CLVS1: variants seen among roughly 807,000 people sequenced by gnomAD.
CLVS1 encodes the protein clavesin 1.
A neutral mutation model predicts 33.1 loss-of-function variants in CLVS1; 10 were observed. The ratio of observed to expected loss-of-function variants is 0.30; its 90% confidence interval spans 0.19 to 0.51. The LOEUF (loss-of-function observed/expected upper bound fraction) is 0.51. Among genes scored for constraint, CLVS1 ranks in the 20% least tolerant of loss-of-function variants. The pLI is 0.97. For synonymous variants in CLVS1, 163 were observed against 166.1 expected (o/e 0.98, Z 0.14); for missense variants, 343 against 433.4 (o/e 0.79, Z 1.85).
chr8:61,230,936 G>C (rs2931347), intron 2 of CLVS1, among the ~76,000 whole-genome samples: 69,055 of 151,852 alleles, frequency 0.45, 16,063 homozygotes, highest in African/African-American at 0.47. Context: ...TCTCTGGGGT[G>C]TACTTTAAGA....
chr8:61,418,601 C>A (rs1815535205), intron 3 of CLVS1, among the ~76,000 whole-genome samples: 1 of 152,136 alleles, frequency 6.6e-6, no homozygotes, highest in Non-Finnish European at 1.5e-5. Context: ...ATAATACCCA[C>A]AATATATACA....
At chr8:61,294,488 A>G (rs575585367) in intron 1 of CLVS1, among the ~76,000 whole-genome samples, 1 of 152,272 alleles carries the variant, frequency 6.6e-6, no homozygotes, top group South Asian at 2.1e-4. Flanking sequence ...CATAATTATA[A>G]TATCAACAAG....
intron 2 of CLVS1, among the ~76,000 whole-genome samples, chr8:61,184,615 G>T (rs1336733260): frequency 1.3e-5 from 2 of 152,138 alleles, no homozygotes; most frequent in African/African-American, 4.8e-5. Context: ...GAGAGAAAAC[G>T]GTAGGCTGGA....
chr8:61,358,232 GT>G (rs978356935), intron 2 of CLVS1, among the ~76,000 whole-genome samples: 1 of 152,174 alleles, frequency 6.6e-6, no homozygotes, highest in African/African-American at 2.4e-5. Context: ...TTCTTTAAAT[GT>G]TTGTAAAATG....
the CLVS1 span, among the ~76,000 whole-genome samples, chr8:61,024,941 G>A: frequency 6.6e-6 from 1 of 151,434 alleles, no homozygotes; most frequent in Non-Finnish European, 1.5e-5. Flanking sequence ...TCTGCTTCCC[G>A]GGTTCAAGCA....
At chr8:61,360,022 C>A (rs1446558440) in intron 2 of CLVS1, among the ~76,000 whole-genome samples, 3 of 152,136 alleles carry the variant, frequency 2.0e-5, no homozygotes, top group Non-Finnish European at 2.9e-5. Flanking sequence ...GCCTCTGAAG[C>A]AACTTGCAAC....
chr8:61,007,643 C>CT, the CLVS1 span, among the ~76,000 whole-genome samples: 12 of 152,166 alleles, frequency 7.9e-5, no homozygotes, highest in African/African-American at 2.7e-4. Flanking sequence ...AGGTCATCTC[C>CT]TGAGAACGCA....
chr8:61,366,537 C>T (rs543039389), intron 2 of CLVS1, among the ~76,000 whole-genome samples: 5 of 152,334 alleles, frequency 3.3e-5, no homozygotes, highest in Admixed American at 6.5e-5. Context: ...ACACATCAGA[C>T]GTCAGCAATG....
At chr8:61,472,779 G>A (rs1415264572) in intron 5 of CLVS1, among the ~76,000 whole-genome samples, 1 of 152,126 alleles carries the variant, frequency 6.6e-6, no homozygotes, top group East Asian at 1.9e-4. Flanking sequence ...TAATAGCTGT[G>A]TGACCTGAGT....
intron 2 of CLVS1, among the ~76,000 whole-genome samples, chr8:61,280,404 C>T (rs1451345423): frequency 6.6e-6 from 1 of 152,108 alleles, no homozygotes; most frequent in Non-Finnish European, 1.5e-5. Flanking sequence ...TTTAGTGCTC[C>T]AAAAGGCCTG....
chr8:61,178,653 C>T (rs1452537276), intron 2 of CLVS1, among the ~76,000 whole-genome samples: 1 of 152,158 alleles, frequency 6.6e-6, no homozygotes, highest in Non-Finnish European at 1.5e-5. Flanking sequence ...GATCTGTCAG[C>T]AGAAACCCTA....
the CLVS1 span, among the ~76,000 whole-genome samples, chr8:61,016,356 T>A: frequency 6.6e-6 from 1 of 152,186 alleles, no homozygotes; most frequent in Non-Finnish European, 1.5e-5. Context: ...CAAAGTGTCT[T>A]ATGGGTCATA....
chr8:61,249,098 T>G (rs1355724894), intron 2 of CLVS1, among the ~76,000 whole-genome samples: 1 of 152,148 alleles, frequency 6.6e-6, no homozygotes, highest in Non-Finnish European at 1.5e-5. Context: ...CAGTGTGTGA[T>G]GTTCTCCTTC....
intron 1 of CLVS1, among the ~76,000 whole-genome samples, chr8:61,299,155 T>A (rs1487176538): frequency 6.6e-6 from 1 of 152,058 alleles, no homozygotes; most frequent in Non-Finnish European, 1.5e-5. Flanking sequence ...GGGGTTAAAA[T>A]AGGGGAAGTA....
intron 2 of CLVS1, among the ~76,000 whole-genome samples, chr8:61,224,671 C>T (rs1455560493): frequency 6.6e-6 from 1 of 152,124 alleles, no homozygotes; most frequent in Non-Finnish European, 1.5e-5. Flanking sequence ...GAGCAGGACC[C>T]ATTTAACAAA....
chr8:61,136,906 T>A (rs1162087630), intron 2 of CLVS1, among the ~76,000 whole-genome samples: 2 of 152,202 alleles, frequency 1.3e-5, no homozygotes, highest in African/African-American at 4.8e-5. Context: ...ATTGTGATGA[T>A]TGATTTAGAT....
At chr8:61,164,856 C>T (rs1018399538) in intron 2 of CLVS1, among the ~76,000 whole-genome samples, 10 of 152,162 alleles carry the variant, frequency 6.6e-5, no homozygotes, top group East Asian at 1.9e-4. Flanking sequence ...TATCCAAACC[C>T]GTGTGAGACC....
At position 61,073,220 on chromosome 8, in the gene CLVS1, C is replaced by G. The variant is rs138174663; in HGVS notation, c.-243+15990C>G. Among the ~76,000 whole-genome samples the G allele has an allele frequency of 7.3e-3, 1,115 of 152,300 alleles. 16 individuals are homozygous for G. The highest frequency in any genetic ancestry group is 0.026 in the African/African-American group (1,062 of 41,562). On this transcript the variant is annotated intron_variant, in intron 1 of 2. Transcript: ENST00000522621. The stretch of plus-strand genomic sequence containing the variant: ...TCTCTTCAGAAAAAAAAATTACAAT[C>G]TACTTGGATACTAGAACAATTATCT...
chr8:61,149,371 GCAAAACCC>G (rs1300159424), intron 2 of CLVS1, among the ~76,000 whole-genome samples: 2 of 151,652 alleles, frequency 1.3e-5, no homozygotes, highest in Admixed American at 1.3e-4. Flanking sequence ...GGCCAACATG[GCAAAACCC>G]CATCTCTACT....
Sources: allele counts gnomAD v4.1 joint callset (sites outside exome capture counted in the v4.1 genomes callset), GRCh38; gene constraint gnomAD v4.1.1; transcripts MANE v1.5; gene names NCBI Gene and HGNC (gene_info 2026-07-23, HGNC 2026-07-21).